Variants in SCUBE1 observed in about 807,000 individuals in gnomAD.
The protein encoded by SCUBE1 is signal peptide, CUB domain and EGF like domain containing 1, also known as signal peptide, CUB and EGF-like domain-containing protein 1.
In SCUBE1, 59 loss-of-function variants were observed where a neutral mutation model predicts 124.4. That is an observed-to-expected ratio of 0.47 (90% CI 0.38 to 0.59). SCUBE1 has a LOEUF of 0.59. Among genes scored for constraint, SCUBE1 ranks in the 20% least tolerant of loss-of-function variants. The pLI, the probability that SCUBE1 is intolerant of heterozygous loss-of-function variation, is 0.00. For missense variants in SCUBE1, 1,150 were observed against 1,371.2 expected (o/e 0.84, Z 2.55); for synonymous variants, 545 against 550.9 (o/e 0.99, Z 0.15).
intron 4 of SCUBE1, among the ~76,000 whole-genome samples, chr22:43,284,342 A>C (rs1048692051): frequency 1.1e-4 from 17 of 152,260 alleles, no homozygotes; most frequent in African/African-American, 4.1e-4. Context: ...GCCACACTGC[A>C]GAAAATTTCT....
chr22:43,233,257 G>A (rs926492228), intron 7 of SCUBE1, among the ~76,000 whole-genome samples: 4 of 152,194 alleles, frequency 2.6e-5, no homozygotes, highest in East Asian at 1.9e-4. Flanking sequence ...CCAGCTACCC[G>A]GGAAGCTGAG....
chr22:43,274,424 G>A (rs781355389), intron 4 of SCUBE1, among the ~76,000 whole-genome samples: 3 of 152,224 alleles, frequency 2.0e-5, no homozygotes, highest in Admixed American at 2.0e-4. Context: ...GCCCTCCACA[G>A]GGACCCTAAA....
At chr22:43,321,802 T>C (rs1926564434) in intron 2 of SCUBE1, among the ~76,000 whole-genome samples, 1 of 152,188 alleles carries the variant, frequency 6.6e-6, no homozygotes, top group Non-Finnish European at 1.5e-5. Flanking sequence ...GGACTCAAAC[T>C]CCTGGGCTCA....
At chr22:43,219,236 G>A (rs976563209) in intron 14 of SCUBE1, among the ~76,000 whole-genome samples, 5 of 152,068 alleles carry the variant, frequency 3.3e-5, no homozygotes, top group South Asian at 2.1e-4. Context: ...TAGTCGCCAC[G>A]AGATGTGACT....
intron 4 of SCUBE1, among the ~76,000 whole-genome samples, chr22:43,266,829 G>A (rs1394009996): frequency 6.6e-6 from 1 of 152,180 alleles, no homozygotes; most frequent in Non-Finnish European, 1.5e-5. Context: ...CAGTTCAGAT[G>A]CTACGTCCCC....
intron 3 of SCUBE1, among the ~76,000 whole-genome samples, chr22:43,298,649 C>A (rs558256559): frequency 9.6e-4 from 147 of 152,332 alleles, no homozygotes; most frequent in African/African-American, 3.2e-3. Context: ...GTCTACCGCC[C>A]AGTGCAGACC....
At chr22:43,208,760 C>T (rs541589660) in intron 19 of SCUBE1, among the ~76,000 whole-genome samples, 28 of 152,316 alleles carry the variant, frequency 1.8e-4, no homozygotes, top group South Asian at 4.1e-4. Context: ...AATCAGGAGC[C>T]GAGTGCGGCA....
chr22:43,250,331 C>G (rs1160143794), intron 6 of SCUBE1, among the ~76,000 whole-genome samples: 3 of 152,216 alleles, frequency 2.0e-5, no homozygotes, highest in African/African-American at 7.2e-5. Context: ...CAGGCTTTGT[C>G]TGGCACTGGC....
At chr22:43,221,830 G>A (rs1922103254) in intron 12 of SCUBE1, among the ~76,000 whole-genome samples, 1 of 152,154 alleles carries the variant, frequency 6.6e-6, no homozygotes, top group Non-Finnish European at 1.5e-5. Flanking sequence ...CTGGGAGGCC[G>A]AGGCAGGCGG....
Position 43,214,136 on chromosome 22 carries a change from G to T in SCUBE1, c.2007C>A (p.Ser669Arg). ...GQLSCTPCPS[S>R]DGLGLPGARN... Reference sequence around the variant, plus strand: ...GGGCACCAGGCAGACCAAGCCCGTCGCTGCTGGGGCACGGTGTGCAACTGA... The same window carrying T: ...GGGCACCAGGCAGACCAAGCCCGTCTCTGCTGGGGCACGGTGTGCAACTGA... Residue 669 changes from serine (S) to arginine (R), a missense_variant, in exon 16 of 22, where the codon AGC becomes AGA. Transcript: ENST00000360835. 1.2e-6 allele frequency: 2 copies of T among 1,602,854 alleles called. No homozygotes were observed. The highest frequency in any genetic ancestry group is 1.7e-6 in the Non-Finnish European group (2 of 1,174,456).
chr22:43,311,496 T>C (rs1336552371), intron 3 of SCUBE1, among the ~76,000 whole-genome samples: 2 of 151,314 alleles, frequency 1.3e-5, no homozygotes, highest in Non-Finnish European at 2.9e-5. Flanking sequence ...TCTCGGCTCA[T>C]TGCAACCTCT....
At chr22:43,328,182 A>T (rs562816075) in intron 2 of SCUBE1, among the ~76,000 whole-genome samples, 1 of 152,308 alleles carries the variant, frequency 6.6e-6, no homozygotes, top group African/African-American at 2.4e-5. Flanking sequence ...AAATGCCCTG[A>T]AGCCCTTGCT....
At chr22:43,223,962 C>A (rs1922205615) in intron 10 of SCUBE1, among the ~76,000 whole-genome samples, 1 of 152,236 alleles carries the variant, frequency 6.6e-6, no homozygotes. Flanking sequence ...CTAATCCCAA[C>A]CTGCCTGGAA....
chr22:43,249,170 C>T (rs1923337923), intron 6 of SCUBE1, among the ~76,000 whole-genome samples: 1 of 152,068 alleles, frequency 6.6e-6, no homozygotes, highest in South Asian at 2.1e-4. Context: ...GCTGAGCATG[C>T]AGGGCCAGAG....
intron 9 of SCUBE1, among the ~76,000 whole-genome samples, chr22:43,228,785 G>A (rs527272239): frequency 6.6e-6 from 1 of 152,304 alleles, no homozygotes; most frequent in African/African-American, 2.4e-5. Context: ...CTCCTGGCCC[G>A]AGTTCTCTAG....
chr22:43,323,999 T>C (rs190498942), intron 2 of SCUBE1, among the ~76,000 whole-genome samples: 7 of 152,348 alleles, frequency 4.6e-5, no homozygotes, highest in Admixed American at 2.0e-4. Flanking sequence ...CAATCAGTTA[T>C]GGAGTTGCTG....
In SCUBE1 at chr22:43,199,425, G is replaced by A. The variant is rs1479934182; in HGVS notation, c.*4572C>T. On this transcript the variant is annotated 3_prime_UTR_variant, in exon 22 of 22. Transcript: ENST00000360835. ...GCCATTCAGACAGAAAACTACGCTC[G>A]TTAGAGGTAGGGGAAATGGCTTCTC... 3 of 151,764 alleles carry A rather than the reference G, an allele frequency of 2.0e-5. No individual in the cohort carries two copies. The highest frequency in any genetic ancestry group is 7.3e-5 in the African/African-American group (3 of 40,872). The allele number at this position is 151,764 out of a possible 1,614,324, so 9.4% of individuals were successfully genotyped here.
intron 4 of SCUBE1, among the ~76,000 whole-genome samples, chr22:43,268,373 G>A (rs17003584): frequency 0.073 from 11,093 of 152,342 alleles, 927 homozygotes; most frequent in East Asian, 0.2. Flanking sequence ...CTTCTTAATG[G>A]GAAGTGAGAT....
At chr22:43,281,404 A>C (rs1039758465) in intron 4 of SCUBE1, among the ~76,000 whole-genome samples, 12 of 38,058 alleles carry the variant, frequency 3.2e-4, no homozygotes, top group Admixed American at 2.9e-4. Context: ...CTATCCTGTC[A>C]CCTCCCTCAG....
Sources: allele counts gnomAD v4.1 joint callset (sites outside exome capture counted in the v4.1 genomes callset), GRCh38; gene constraint gnomAD v4.1.1; transcripts MANE v1.5; gene names NCBI Gene and HGNC (gene_info 2026-07-23, HGNC 2026-07-21).